Variants in FGD4 observed in about 807,000 individuals in gnomAD.
The protein encoded by FGD4 is FYVE, RhoGEF and PH domain-containing protein 4.
A neutral mutation model predicts 102.0 loss-of-function variants in FGD4; 42 were observed. The ratio of observed to expected loss-of-function variants is 0.41; its 90% CI spans 0.32 to 0.53. The LOEUF (loss-of-function observed/expected upper bound fraction) is 0.53. FGD4 is among the 20% of genes least tolerant of loss of function. FGD4 has a pLI of 0.21. For missense variants in FGD4, 902 were observed against 1,078.2 expected, an observed-to-expected ratio of 0.84 and a Z score of 2.29; for synonymous variants, 380 against 375.7, an observed-to-expected ratio of 1.01 and a Z score of -0.13.
chr12:32,560,182 A>T (rs568602828), intron 1 of FGD4, among the ~76,000 whole-genome samples: 65 of 152,330 alleles, frequency 4.3e-4, no homozygotes, highest in African/African-American at 1.5e-3. Context: ...CCTATTTCAC[A>T]TACTTTTTTC....
intron 1 of FGD4, among the ~76,000 whole-genome samples, chr12:32,425,340 C>T (rs1481037453): frequency 6.6e-6 from 1 of 152,150 alleles, no homozygotes; most frequent in Non-Finnish European, 1.5e-5. Flanking sequence ...ATCCTTTCCC[C>T]ATTGCTTGTT....
At chr12:32,589,805 AG>A (rs1947327782) in intron 4 of FGD4, among the ~76,000 whole-genome samples, 1 of 152,168 alleles carries the variant, frequency 6.6e-6, no homozygotes, top group Non-Finnish European at 1.5e-5. Flanking sequence ...TGAACCCAGG[AG>A]GCAGAGGTTG....
chr12:32,439,649 A>G (rs1293870038), intron 1 of FGD4, among the ~76,000 whole-genome samples: 1 of 152,130 alleles, frequency 6.6e-6, no homozygotes, highest in Non-Finnish European at 1.5e-5. Context: ...GCCTTGAGGT[A>G]GTCTTCTTTG....
chr12:32,464,093 A>AATG (rs1943182781), intron 1 of FGD4, among the ~76,000 whole-genome samples: 1 of 152,072 alleles, frequency 6.6e-6, no homozygotes, highest in Non-Finnish European at 1.5e-5. Flanking sequence ...CTAAGCACTT[A>AATG]TTTGCATGTG....
Position 32,570,195 on chromosome 12 carries a change from C to T in FGD4, c.319+5906C>T, listed in dbSNP as rs762576242. Among the ~76,000 whole-genome samples the T allele has an allele frequency of 4.2e-5, 6 of 142,604 alleles. No homozygotes were observed. In the East Asian group the frequency reaches 6.4e-4, roughly 15 times the overall value. 93.6% of individuals were successfully genotyped at this position (142,604 alleles called of 152,430 possible). A position where few individuals can be genotyped will look rare whatever the true frequency, so the allele number is the denominator to read the frequency against. On this transcript the variant is annotated intron_variant, in intron 2 of 16. Transcript: ENST00000534526. ...GGTGGAGGTTGCAGTGAGCTGAGATCGCGCCATTGCACTCCAGCCTGGGCG... is the reference window on the plus strand; with the variant it reads ...GGTGGAGGTTGCAGTGAGCTGAGATTGCGCCATTGCACTCCAGCCTGGGCG...
At chr12:32,583,595 T>C (rs1246087262) in intron 4 of FGD4, among the ~76,000 whole-genome samples, 1 of 152,222 alleles carries the variant, frequency 6.6e-6, no homozygotes, top group Non-Finnish European at 1.5e-5. Context: ...TGGACATTTC[T>C]GTCCTTTCTA....
At chr12:32,553,756 T>C (rs1317554913) in intron 1 of FGD4, among the ~76,000 whole-genome samples, 1 of 152,226 alleles carries the variant, frequency 6.6e-6, no homozygotes, top group African/African-American at 2.4e-5. Flanking sequence ...GTCTCAAATA[T>C]TGGCAGCCTA....
chr12:32,602,059 G>A lies in FGD4; in HGVS notation c.1248-102G>A, dbSNP rs529185922. On this transcript the variant is annotated intron_variant, in intron 6 of 16. Coordinates refer to ENST00000534526, the MANE Select transcript of FGD4 (RefSeq NM_001370298.3). ...GAACCTGGGAGGTCGAGGTTGCAGT[G>A]AGCTGTGATAATGCCACTGCACTAC... 133 of 1,049,204 alleles carry A rather than the reference G, an allele frequency of 1.3e-4. 1 individual carries two copies. In the South Asian group the frequency reaches 1.8e-3, roughly 14 times the overall value. 65.0% of individuals were successfully genotyped at this position (1,049,204 alleles called of 1,614,324 possible).
chr12:32,620,430 G>A (rs1949737519), intron 11 of FGD4, among the ~76,000 whole-genome samples: 1 of 151,920 alleles, frequency 6.6e-6, no homozygotes, highest in Admixed American at 6.6e-5. Flanking sequence ...TAGAAGGTAT[G>A]GCTCTTCTTA....
chr12:32,495,993 G>A (rs1169886262), intron 1 of FGD4, among the ~76,000 whole-genome samples: 2 of 152,138 alleles, frequency 1.3e-5, no homozygotes, highest in Non-Finnish European at 2.9e-5. Flanking sequence ...TCTTTCTGGG[G>A]TTTGGGCTTG....
intron 1 of FGD4, among the ~76,000 whole-genome samples, chr12:32,480,166 T>G (rs11052022): frequency 1.7e-5 from 1 of 60,580 alleles, no homozygotes; most frequent in Non-Finnish European, 4.4e-5. Context: ...GTTTTTTTTG[T>G]TTTTTTTGTT....
chr12:32,544,141 C>A lies in FGD4; in HGVS notation c.167-19996C>A, dbSNP rs1943055979. On this transcript the variant is annotated intron_variant, in intron 1 of 16. Coordinates refer to ENST00000534526, the MANE Select transcript of FGD4 (RefSeq NM_001370298.3). The surrounding 1 kb of genome is among the most constrained non-coding windows in gnomAD (Gnocchi z 4.1). ...TAAATAATTACTAGTAAAATTTGGCCAGAGCCAGCAGCCATGGCTTATGTC... is the reference window on the plus strand; with the variant it reads ...TAAATAATTACTAGTAAAATTTGGCAAGAGCCAGCAGCCATGGCTTATGTC... 6.6e-6 allele frequency among the ~76,000 whole-genome samples: 1 copy of A among 152,126 alleles called. No individual in the cohort carries two copies.
rs1565900746 is a variant in FGD4, at chr12:32,608,025, G to A, written c.1473G>A (p.Arg491=). The stretch of plus-strand genomic sequence containing the variant: ...TAGAACCTGTTCAGCGGATTCCCCG[G>A]TATGAGATGCTCCTTAAGGACTATC... ...HMLEPVQRIP[R]YEMLLKDYLR... Residue 491 remains arginine, a synonymous_variant, in exon 8 of 17, where the codon CGG becomes CGA. Coordinates refer to ENST00000534526, the MANE Select transcript of FGD4 (RefSeq NM_001370298.3). 1.2e-6 allele frequency: 2 copies of A among 1,614,168 alleles called. No individual in the cohort carries two copies. Among genetic ancestry groups the A allele is most frequent in the South Asian group, 1.1e-5 (1 of 91,088 alleles).
chr12:32,417,907 G>A (rs1941480792), intron 1 of FGD4, among the ~76,000 whole-genome samples: 1 of 132,132 alleles, frequency 7.6e-6, no homozygotes, highest in Admixed American at 7.6e-5. Flanking sequence ...TGTCTGAAAG[G>A]TCACATATCT....
chr12:32,561,792 A>G (rs544877121), intron 1 of FGD4, among the ~76,000 whole-genome samples: 3 of 152,358 alleles, frequency 2.0e-5, no homozygotes, highest in Non-Finnish European at 4.4e-5. Flanking sequence ...CCAGAAAGTG[A>G]ACAAACATTT....
chr12:32,519,767 G>A lies in FGD4; in HGVS notation c.167-44370G>A, dbSNP rs554526368. Reference sequence around the variant, plus strand: ...AGCCTAGCCAAGATGGTGAAACCCCGTTTCTACTAAAAAAGAAAAAAATAC... The same window carrying A: ...AGCCTAGCCAAGATGGTGAAACCCCATTTCTACTAAAAAAGAAAAAAATAC... On this transcript the variant is annotated intron_variant, in intron 1 of 16. Coordinates refer to ENST00000534526, the MANE Select transcript of FGD4 (RefSeq NM_001370298.3). Among the ~76,000 whole-genome samples the A allele has an allele frequency of 2.0e-3, 311 of 152,220 alleles. 2 individuals are homozygous for A. The highest frequency in any genetic ancestry group is 7.2e-3 in the African/African-American group (300 of 41,522).
intron 1 of FGD4, among the ~76,000 whole-genome samples, chr12:32,531,449 G>A (rs779845401): frequency 1.4e-4 from 22 of 152,086 alleles, no homozygotes; most frequent in Non-Finnish European, 2.4e-4. Flanking sequence ...CTGTCATGCC[G>A]TTTTATGAAA....
At chr12:32,543,597 T>C (rs1332310792) in intron 1 of FGD4, among the ~76,000 whole-genome samples, 1 of 152,192 alleles carries the variant, frequency 6.6e-6, no homozygotes, top group East Asian at 1.9e-4. Context: ...GAACAAAAGA[T>C]GCTCCTATTA....
At chr12:32,610,893 CT>C (rs1949095005) in intron 9 of FGD4, 59 bp downstream of exon 9, 7 of 1,530,396 alleles carry the variant, frequency 4.6e-6, no homozygotes, top group Non-Finnish European at 6.3e-6. Context: ...ATAATACTGC[CT>C]CAATACTATG....
Sources: allele counts gnomAD v4.1 joint callset (sites outside exome capture counted in the v4.1 genomes callset), GRCh38; gene constraint gnomAD v4.1.1; non-coding constraint Gnocchi (gnomAD v3.1); transcripts MANE v1.5; gene names NCBI Gene and HGNC (gene_info 2026-07-23, HGNC 2026-07-21).